Variants in ADAM22 observed in about 807,000 individuals in gnomAD.
ADAM22 encodes the protein disintegrin and metalloproteinase domain-containing protein 22.
Under a neutral mutation model 144.6 loss-of-function variants are expected in ADAM22, and 65 were observed. The ratio of observed to expected loss-of-function variants is 0.45; its 90% CI spans 0.37 to 0.55. The LOEUF (loss-of-function observed/expected upper bound fraction) is 0.55. Among genes scored for constraint, ADAM22 ranks in the 20% least tolerant of loss-of-function variants. The pLI is 0.00. For missense variants in ADAM22, 974 were observed against 1,184.9 expected, an observed-to-expected ratio of 0.82 and a Z score of 2.61; for synonymous variants, 391 against 412.6, an observed-to-expected ratio of 0.95 and a Z score of 0.63.
intron 5 of ADAM22, among the ~76,000 whole-genome samples, chr7:88,113,244 C>T (rs1293590853): frequency 6.8e-6 from 1 of 147,474 alleles, no homozygotes; most frequent in Non-Finnish European, 1.5e-5. Context: ...TTCACTAACT[C>T]TTCTCTGTTT....
In ADAM22 at chr7:88,077,412, G is replaced by A. The variant is rs563298247; in HGVS notation, c.390+1720G>A. On this transcript the variant is annotated intron_variant, in intron 4 of 31. Transcript: ENST00000413139. ...ACAGCTCCAGTCTACAGCTCCCAGC[G>A]TGAGCGATGCAGAAGACGGGTGATT... 1.9e-3 allele frequency among the ~76,000 whole-genome samples: 296 copies of A among 152,304 alleles called. 3 individuals are homozygous for A. The highest frequency in any genetic ancestry group is 6.5e-3 in the African/African-American group (270 of 41,560).
At chr7:88,155,164 A>G (rs566883771) in intron 21 of ADAM22, among the ~76,000 whole-genome samples, 1 of 152,218 alleles carries the variant, frequency 6.6e-6, no homozygotes, top group African/African-American at 2.4e-5. Context: ...ATTCTAGGGC[A>G]ACAGGTTGAA....
rs531566338 is a variant in ADAM22 at position 88,038,408 on chromosome 7, T to TA, written c.324-37209dup. On this transcript the variant is annotated intron_variant, in intron 3 of 31. Transcript: ENST00000413139. ...GGAGCATCCAAATATAAGCACGCTC[T>TA]AAAAAAAAAGTCACATAAACAGAAT... Among the ~76,000 whole-genome samples, 921 of 148,876 alleles carry TA rather than the reference T, an allele frequency of 6.2e-3. 6 individuals are homozygous for TA. The highest frequency in any genetic ancestry group is 0.024 in the Middle Eastern group (7 of 286).
At chr7:88,153,423 A>T in intron 21 of ADAM22, 97 bp downstream of exon 21, 3 of 968,384 alleles carry the variant, frequency 3.1e-6, no homozygotes, top group Non-Finnish European at 4.7e-6. Flanking sequence ...CATCACACAA[A>T]GTGTGCTCTT....
chr7:88,038,754 A>T (rs909820915), intron 3 of ADAM22, among the ~76,000 whole-genome samples: 4 of 151,520 alleles, frequency 2.6e-5, no homozygotes, highest in African/African-American at 9.7e-5. Context: ...TCTACATAGT[A>T]ACTGAATAAT....
chr7:88,134,342 A>T lies in ADAM22; in HGVS notation c.1091A>T (p.Asp364Val). 1.2e-6 allele frequency: 2 copies of T among 1,606,182 alleles called. No homozygotes were observed. The highest frequency in any genetic ancestry group is 1.7e-6 in the Non-Finnish European group (2 of 1,177,664). The change falls in exon 13 of 32, where the codon GAT (aspartate) becomes GTT (valine). Residue 364 changes from aspartate to valine, a missense_variant. Transcript: ENST00000413139. The stretch of plus-strand genomic sequence containing the variant: ...TTTGTTTTTCAGTTTGGGAAAACTG[A>T]TTTAATGGCTGTTACACTTGCCCAG... ...GGGVNEFGKT[D>V]LMAVTLAQSL...
intron 3 of ADAM22, among the ~76,000 whole-genome samples, chr7:87,982,670 C>CATATATATATATATATATATATATATAT (rs3086405): frequency 3.1e-4 from 12 of 38,100 alleles, no homozygotes; most frequent in South Asian, 1.2e-3. Flanking sequence ...TCAGTTATTA[C>CATATATATATATATATATATATATATAT]ATATATATAT....
chr7:88,054,256 T>C (rs186981360), intron 3 of ADAM22, among the ~76,000 whole-genome samples: 1 of 152,320 alleles, frequency 6.6e-6, no homozygotes, highest in African/African-American at 2.4e-5. Context: ...TCAAAGGGAA[T>C]ACATAATTTA....
chr7:88,127,658 A>T (rs1464998543), intron 8 of ADAM22, among the ~76,000 whole-genome samples: 1 of 151,892 alleles, frequency 6.6e-6, no homozygotes, highest in Non-Finnish European at 1.5e-5. Flanking sequence ...AGCATTTTTA[A>T]AGTTGGTTTT....
At chr7:87,989,076 C>T (rs1020721184) in intron 3 of ADAM22, among the ~76,000 whole-genome samples, 4 of 152,150 alleles carry the variant, frequency 2.6e-5, no homozygotes, top group African/African-American at 4.8e-5. Flanking sequence ...TTAAAATAGT[C>T]AAGCTTTATG....
At chr7:88,096,332 C>T (rs1821299818) in intron 4 of ADAM22, among the ~76,000 whole-genome samples, 1 of 150,678 alleles carries the variant, frequency 6.6e-6, no homozygotes, top group Non-Finnish European at 1.5e-5. Flanking sequence ...TTTTTCTGCT[C>T]TGAAATTTCT....
chr7:88,082,263 C>T (rs1255327950), intron 4 of ADAM22, among the ~76,000 whole-genome samples: 1 of 152,178 alleles, frequency 6.6e-6, no homozygotes, highest in Non-Finnish European at 1.5e-5. Context: ...GTAAATGGTG[C>T]TGGGAAAACT....
rs1262985925 is a variant in ADAM22 at position 88,008,685 on chromosome 7, A to G, written c.323+30273A>G. Among the ~76,000 whole-genome samples the G allele has an allele frequency of 4.6e-5, 7 of 151,716 alleles. No homozygotes were observed. The East Asian group carries it at 9.7e-4, about 21-fold the overall frequency. On this transcript the variant is annotated intron_variant, in intron 3 of 31. Transcript: ENST00000413139. Reference sequence around the variant, plus strand: ...AAACACCACATGTTCTCACTCATAGATGGGAATTGAACAATGAGAACACAT... The same window carrying G: ...AAACACCACATGTTCTCACTCATAGGTGGGAATTGAACAATGAGAACACAT...
At chr7:88,179,688 G>A (rs534791105) in intron 27 of ADAM22, among the ~76,000 whole-genome samples, 8 of 152,084 alleles carry the variant, frequency 5.3e-5, no homozygotes, top group African/African-American at 1.7e-4. Context: ...CTTAGACACT[G>A]ATGCTATATT....
intron 3 of ADAM22, among the ~76,000 whole-genome samples, chr7:88,067,918 GTAAT>G (rs1296932978): frequency 1.3e-5 from 2 of 152,096 alleles, no homozygotes; most frequent in African/African-American, 4.8e-5. Context: ...AACTGGAAAA[GTAAT>G]TAAGTGAAAC....
intron 2 of ADAM22, among the ~76,000 whole-genome samples, chr7:87,970,603 A>C (rs1850202609): frequency 6.6e-6 from 1 of 152,196 alleles, no homozygotes; most frequent in South Asian, 2.1e-4. Flanking sequence ...GTTATCAGTA[A>C]GGCAGTCTTA....
At chr7:88,170,297 T>A (rs548746922) in intron 25 of ADAM22, among the ~76,000 whole-genome samples, 1 of 152,144 alleles carries the variant, frequency 6.6e-6, no homozygotes, top group African/African-American at 2.4e-5. Context: ...AATGTAGATA[T>A]TTTAATAGAG....
At chr7:88,072,481 G>A (rs1243988577) in intron 3 of ADAM22, among the ~76,000 whole-genome samples, 1 of 152,126 alleles carries the variant, frequency 6.6e-6, no homozygotes, top group East Asian at 1.9e-4. Context: ...TTTCACTCAT[G>A]CTGGCTGCAG....
intron 3 of ADAM22, among the ~76,000 whole-genome samples, chr7:88,008,709 A>G (rs1310122682): frequency 6.6e-6 from 1 of 151,876 alleles, no homozygotes; most frequent in Non-Finnish European, 1.5e-5. Flanking sequence ...ATGAGAACAC[A>G]TGGACACAGG....
Sources: gnomAD v4.1 joint callset for allele counts (sites outside exome capture counted in the v4.1 genomes callset) on GRCh38, gnomAD v4.1.1 for gene constraint, MANE v1.5 for transcripts, NCBI Gene and HGNC (gene_info 2026-07-23, HGNC 2026-07-21) for gene names.